The following PGCKA1 variants were observed in gnomAD, a reference collection of about 807,000 sequenced individuals.
PGCKA1 encodes the protein PDCD10 and GCKIII kinases associated 1.
chr4:37,558,274 G>C, the PGCKA1 span, among the ~76,000 whole-genome samples: 1 of 152,082 alleles, frequency 6.6e-6, no homozygotes, highest in Admixed American at 6.6e-5. Context: ...TTTTACGTTT[G>C]TTTTTTGGAC....
the PGCKA1 span, among the ~76,000 whole-genome samples, chr4:37,486,842 G>T: frequency 6.6e-6 from 1 of 152,106 alleles, no homozygotes; most frequent in African/African-American, 2.4e-5. Context: ...GAATGATACA[G>T]TCTGCTAAAA....
chr4:37,549,402 G>A, the PGCKA1 span, among the ~76,000 whole-genome samples: 851 of 152,290 alleles, frequency 5.6e-3, 12 homozygotes, highest in African/African-American at 0.02. Context: ...GCCAAGGCCA[G>A]TGGCCTATCT....
At chr4:37,529,046 A>G in the PGCKA1 span, among the ~76,000 whole-genome samples, 2 of 152,182 alleles carry the variant, frequency 1.3e-5, no homozygotes, top group African/African-American at 2.4e-5. Flanking sequence ...TTGGTTTATC[A>G]TATTTGTGCT....
At chr4:37,496,858 CG>C in the PGCKA1 span, among the ~76,000 whole-genome samples, 1 of 151,782 alleles carries the variant, frequency 6.6e-6, no homozygotes, top group South Asian at 2.1e-4. Context: ...TTTTTGTGGC[CG>C]TTGTGAATGG....
chr4:37,535,049 G>A, the PGCKA1 span, among the ~76,000 whole-genome samples: 4 of 152,336 alleles, frequency 2.6e-5, no homozygotes, highest in South Asian at 2.1e-4. Flanking sequence ...AGTGCCATGA[G>A]AGTTCAGAAC....
At chr4:37,553,742 T>A in the PGCKA1 span, among the ~76,000 whole-genome samples, 1 of 152,358 alleles carries the variant, frequency 6.6e-6, no homozygotes, top group South Asian at 2.1e-4. Context: ...TGCATTGGTA[T>A]TAGGCATCTT....
At chr4:37,499,430 T>A in the PGCKA1 span, among the ~76,000 whole-genome samples, 1 of 152,234 alleles carries the variant, frequency 6.6e-6, no homozygotes, top group Admixed American at 6.5e-5. Flanking sequence ...TGTGAATCTG[T>A]CTGGTCCTGG....
chr4:37,544,230 T>C, the PGCKA1 span, among the ~76,000 whole-genome samples: 8 of 152,314 alleles, frequency 5.3e-5, no homozygotes, highest in Non-Finnish European at 7.4e-5. Flanking sequence ...TTGTATATCA[T>C]TGAGTTTTTT....
chr4:37,533,249 T>A, the PGCKA1 span, among the ~76,000 whole-genome samples: 4 of 152,348 alleles, frequency 2.6e-5, no homozygotes, highest in Admixed American at 6.5e-5. Flanking sequence ...ATGTTAATAT[T>A]TCCAGCTAAG....
chr4:37,488,789 C>T, the PGCKA1 span, among the ~76,000 whole-genome samples: 4,742 of 152,248 alleles, frequency 0.031, 278 homozygotes, highest in African/African-American at 0.11. Context: ...TCTTTAACCT[C>T]TACCTTTTCT....
the PGCKA1 span, among the ~76,000 whole-genome samples, chr4:37,518,100 T>G: frequency 2.0e-5 from 3 of 152,236 alleles, no homozygotes; most frequent in Non-Finnish European, 4.4e-5. Context: ...CATCTCATTC[T>G]TTTATGGCTG....
chr4:37,564,299 AAAAAC>A, the PGCKA1 span, among the ~76,000 whole-genome samples: 2 of 151,620 alleles, frequency 1.3e-5, no homozygotes, highest in African/African-American at 4.8e-5. Context: ...AAGAAAGAAA[AAAAAC>A]CGAATATTCT....
chr4:37,487,644 A>G, the PGCKA1 span, among the ~76,000 whole-genome samples: 2 of 152,224 alleles, frequency 1.3e-5, no homozygotes, highest in Non-Finnish European at 2.9e-5. Context: ...TTTCCAATCA[A>G]TCCTTGTCCC....
At chr4:37,567,433 G>C in the PGCKA1 span, among the ~76,000 whole-genome samples, 1 of 152,170 alleles carries the variant, frequency 6.6e-6, no homozygotes, top group Non-Finnish European at 1.5e-5. Context: ...CTCATAAACT[G>C]TAACTATCAT....
At chr4:37,485,170 T>C in the PGCKA1 span, among the ~76,000 whole-genome samples, 2 of 152,190 alleles carry the variant, frequency 1.3e-5, no homozygotes, top group Non-Finnish European at 2.9e-5. Context: ...CCCAAATGAA[T>C]AACAAACCAA....
At chr4:37,476,240 A>C in the PGCKA1 span, among the ~76,000 whole-genome samples, 2 of 152,298 alleles carry the variant, frequency 1.3e-5, no homozygotes, top group African/African-American at 4.8e-5. Context: ...ATCATCACTA[A>C]TGTTCTCATT....
the PGCKA1 span, among the ~76,000 whole-genome samples, chr4:37,490,016 TAAA>T: frequency 2.0e-5 from 3 of 150,354 alleles, no homozygotes; most frequent in African/African-American, 7.3e-5. Flanking sequence ...TTACATAACT[TAAA>T]AAAAAAGAAA....
the PGCKA1 span, among the ~76,000 whole-genome samples, chr4:37,473,330 A>G: frequency 2.0e-5 from 3 of 152,208 alleles, no homozygotes; most frequent in Non-Finnish European, 2.9e-5. Context: ...TATGTTTAAG[A>G]TAATGTGTTA....
chr4:37,462,666 G>A, the PGCKA1 span, among the ~76,000 whole-genome samples: 11 of 152,160 alleles, frequency 7.2e-5, no homozygotes, highest in South Asian at 4.2e-4. Flanking sequence ...CAATTTTGCC[G>A]TCCATTCCTT....
Sources: allele counts gnomAD v4.1 joint callset (sites outside exome capture counted in the v4.1 genomes callset), GRCh38; gene constraint gnomAD v4.1.1; transcripts MANE v1.5; gene names NCBI Gene and HGNC (gene_info 2026-07-23, HGNC 2026-07-21).